PRMT8: variants seen among roughly 807,000 people sequenced by gnomAD.
PRMT8 encodes protein arginine methyltransferase 8.
Under a neutral mutation model 47.1 loss-of-function variants are expected in PRMT8, and 7 were observed. The observed-to-expected ratio is 0.15, with a 90% CI of 0.08 to 0.28. PRMT8 has a LOEUF of 0.28. PRMT8 is among the 10% of genes least tolerant of loss of function. The pLI is 1.00. For synonymous variants in PRMT8, 188 were observed against 186.5 expected (o/e 1.01, Z -0.07); for missense variants, 237 against 505.4 (o/e 0.47, Z 5.09).
chr12:3,388,486 C>G (rs368148847), intron 1 of PRMT8, among the ~76,000 whole-genome samples: 1 of 152,104 alleles, frequency 6.6e-6, no homozygotes, highest in African/African-American at 2.4e-5. Flanking sequence ...ATCTGTGGAG[C>G]GATACTTTGA....
intron 1 of PRMT8, among the ~76,000 whole-genome samples, chr12:3,509,629 G>GA (rs1177066835): frequency 5.3e-5 from 8 of 151,998 alleles, no homozygotes; most frequent in African/African-American, 7.2e-5. Flanking sequence ...TTTCCTGTAT[G>GA]AAAAAAAATG....
chr12:3,484,156 G>A (rs139232941), intron 1 of PRMT8, among the ~76,000 whole-genome samples: 1,911 of 152,258 alleles, frequency 0.013, 34 homozygotes, highest in African/African-American at 0.043. Context: ...TTTACAGTGG[G>A]AAGGAGGGGG....
chr12:3,587,964 C>T (rs372765173), intron 8 of PRMT8, among the ~76,000 whole-genome samples: 20 of 152,158 alleles, frequency 1.3e-4, no homozygotes, highest in African/African-American at 4.6e-4. Flanking sequence ...CGGTGCCCCC[C>T]CCACCACAAC....
rs899318668 is a variant in PRMT8 at position 3,498,996 on chromosome 12, A to G, written c.75+7296A>G. On this transcript the variant is annotated intron_variant, in intron 1 of 9. Coordinates refer to ENST00000382622, the MANE Select transcript of PRMT8 (RefSeq NM_019854.5). ...CAACGATGCTCAGCCTTCCTTGGCT[A>G]TAGACACATCATCTGGTCTCTGCCT... is the stretch of plus-strand genomic sequence containing the variant. 3.9e-5 allele frequency among the ~76,000 whole-genome samples: 6 copies of G among 152,192 alleles called. No homozygotes were observed. In the South Asian group the frequency reaches 1.2e-3, roughly 32 times the overall value.
chr12:3,388,902 G>C (rs1864166477), intron 1 of PRMT8, among the ~76,000 whole-genome samples: 1 of 152,174 alleles, frequency 6.6e-6, no homozygotes, highest in Non-Finnish European at 1.5e-5. Context: ...CCTGATGCGT[G>C]TCAGTCACTC....
chr12:3,565,426 G>A (rs1330142075), intron 4 of PRMT8, among the ~76,000 whole-genome samples: 1 of 152,180 alleles, frequency 6.6e-6, no homozygotes, highest in African/African-American at 2.4e-5. Context: ...GAGTCTAAAA[G>A]CCAGTCCAGC....
At chr12:3,591,927 G>T (rs759916107) in intron 8 of PRMT8, among the ~76,000 whole-genome samples, 5 of 152,156 alleles carry the variant, frequency 3.3e-5, no homozygotes, top group Non-Finnish European at 5.9e-5. Flanking sequence ...GGGTGACAGG[G>T]TATTCCTCAT....
rs1016647148 is a variant in PRMT8 at position 3,576,232 on chromosome 12, C to T, written c.713-639C>T. Among the ~76,000 whole-genome samples the T allele has an allele frequency of 9.2e-5, 14 of 152,134 alleles. No individual in the cohort carries two copies. Among genetic ancestry groups the T allele is most frequent in the Non-Finnish European group, 4.4e-5 (3 of 68,024 alleles). ...TCCTTAGTGAGTGCATCTTGGCATA[C>T]AAGGAAGGCAGAGATGCTCCTGGAC... On this transcript the variant is annotated intron_variant, in intron 6 of 9. Transcript: ENST00000382622. The surrounding 1 kb of genome is among the most constrained non-coding windows in gnomAD (Gnocchi z 4.0).
In PRMT8 at chr12:3,535,242, C is replaced by T. The variant is rs967399309; in HGVS notation, c.76-5364C>T. 1.3e-5 allele frequency among the ~76,000 whole-genome samples: 2 copies of T among 152,246 alleles called. No homozygotes were observed. Among genetic ancestry groups the T allele is most frequent in the Non-Finnish European group, 2.9e-5 (2 of 68,044 alleles). ...CTCTGCTGCGTCCATAACCTTTCATCTCTGCATTTAGTGGGCCCGAGGCCT... is the reference window on the plus strand; with the variant it reads ...CTCTGCTGCGTCCATAACCTTTCATTTCTGCATTTAGTGGGCCCGAGGCCT... On this transcript the variant is annotated intron_variant, in intron 1 of 9. Transcript: ENST00000382622. This position sits in a 1 kb window ranked among gnomAD's most constrained non-coding sequence, Gnocchi z 4.7.
At chr12:3,460,281 G>C (rs1865026421) in intron 1 of PRMT8, among the ~76,000 whole-genome samples, 2 of 152,174 alleles carry the variant, frequency 1.3e-5, no homozygotes, top group South Asian at 4.1e-4. Flanking sequence ...GGGATATCAT[G>C]GGAGCAAAAC....
At chr12:3,480,569 C>T (rs1366043915) in intron 1 of PRMT8, among the ~76,000 whole-genome samples, 1 of 152,154 alleles carries the variant, frequency 6.6e-6, no homozygotes, top group Non-Finnish European at 1.5e-5. Flanking sequence ...TTTCTTGACA[C>T]CCACCTTCCC....
chr12:3,494,472 G>A (rs1865474082), intron 1 of PRMT8, among the ~76,000 whole-genome samples: 2 of 152,192 alleles, frequency 1.3e-5, no homozygotes, highest in Admixed American at 1.3e-4. Context: ...AACACAGACT[G>A]CCCCCACTTC....
intron 1 of PRMT8, among the ~76,000 whole-genome samples, chr12:3,442,104 A>G (rs1286990570): frequency 6.6e-6 from 1 of 152,220 alleles, no homozygotes; most frequent in East Asian, 1.9e-4. Context: ...TAACATAACT[A>G]AAAATGAAAG....
In PRMT8 at chr12:3,570,860, T is replaced by TA. The variant is rs1255679573; in HGVS notation, c.712+1297dup. 2.6e-5 allele frequency among the ~76,000 whole-genome samples: 4 copies of TA among 152,172 alleles called. No individual in the cohort carries two copies. Among genetic ancestry groups the TA allele is most frequent in the Non-Finnish European group, 5.9e-5 (4 of 68,026 alleles). On this transcript the variant is annotated intron_variant, in intron 6 of 9. Coordinates refer to ENST00000382622, the MANE Select transcript of PRMT8 (RefSeq NM_019854.5). This position sits in a 1 kb window ranked among gnomAD's most constrained non-coding sequence, Gnocchi z 5.5. ...CCAGCCAATCTGGTGTGATTTCCACTATTTGACCTCCTGGGGGAAGGAGGC... is the reference window on the plus strand; with the variant it reads ...CCAGCCAATCTGGTGTGATTTCCACTAATTTGACCTCCTGGGGGAAGGAGGC...
At chr12:3,438,509 C>A (rs76341444) in intron 1 of PRMT8, among the ~76,000 whole-genome samples, 1,927 of 152,322 alleles carry the variant, frequency 0.013, 13 homozygotes, top group South Asian at 0.026. Context: ...TTTGATAGAG[C>A]CTCTTCGTCC....
At chr12:3,498,917 G>C (rs1865548538) in intron 1 of PRMT8, among the ~76,000 whole-genome samples, 1 of 152,098 alleles carries the variant, frequency 6.6e-6, no homozygotes, top group Non-Finnish European at 1.5e-5. Context: ...GGTTCCTCTT[G>C]AAGTCTTCAT....
upstream of PRMT8, among the ~76,000 whole-genome samples, chr12:3,488,251 A>G (rs1865340544): frequency 6.6e-6 from 1 of 152,232 alleles, no homozygotes; most frequent in South Asian, 2.1e-4. Context: ...CAAGTGTTCT[A>G]TAAAATTTAA....
At chr12:3,398,296 C>T (rs527515667) in intron 1 of PRMT8, among the ~76,000 whole-genome samples, 22 of 152,186 alleles carry the variant, frequency 1.4e-4, no homozygotes, top group East Asian at 1.2e-3. Context: ...AGGTGTGGGG[C>T]CGTTTTCAAA....
upstream of PRMT8, chr12:3,491,100 G>C: frequency 1.1e-6 from 1 of 935,160 alleles, no homozygotes; most frequent in African/African-American, 1.8e-5. Flanking sequence ...GGGGCGCTGG[G>C]GGCCCTCGGT....
Sources: allele counts gnomAD v4.1 joint callset (sites outside exome capture counted in the v4.1 genomes callset), GRCh38; gene constraint gnomAD v4.1.1; non-coding constraint Gnocchi (gnomAD v3.1); transcripts MANE v1.5; gene names NCBI Gene and HGNC (gene_info 2026-07-23, HGNC 2026-07-21).